TTC27: variants seen among roughly 807,000 people sequenced by gnomAD.
TTC27 encodes the protein tetratricopeptide repeat protein 27.
Under a neutral mutation model 115.9 loss-of-function variants are expected in TTC27, and 79 were observed. The ratio of observed to expected loss-of-function variants is 0.68; its 90% CI spans 0.57 to 0.82. The LOEUF is 0.82. TTC27 is among the 40% of genes least tolerant of loss of function. The pLI is 0.00. For synonymous variants in TTC27, 401 were observed against 356.0 expected (o/e 1.13, Z -1.42); for missense variants, 1,054 against 993.1 (o/e 1.06, Z -0.82).
chr2:32,683,136 T>G (rs529583499), intron 9 of TTC27, among the ~76,000 whole-genome samples: 1 of 152,130 alleles, frequency 6.6e-6, no homozygotes, highest in Non-Finnish European at 1.5e-5. Context: ...ATTACAGGCA[T>G]GAGCCACTGC....
At chr2:32,661,148 A>G (rs1665533185) in intron 5 of TTC27, among the ~76,000 whole-genome samples, 1 of 152,184 alleles carries the variant, frequency 6.6e-6, no homozygotes, top group African/African-American at 2.4e-5. Context: ...TGATACCAGT[A>G]CAATGCTGTT....
rs188494532 is a variant in TTC27 at position 32,663,934 on chromosome 2, C to T, written c.641-369C>T. On this transcript the variant is annotated intron_variant, in intron 5 of 19. Transcript: ENST00000317907. ...TCCTGACCTTGTGATCCGCCCACCT[C>T]GGCCTCGCAAGGTACAGGGATTACA... is the stretch of plus-strand genomic sequence containing the variant. 4.1e-3 allele frequency among the ~76,000 whole-genome samples: 627 copies of T among 152,058 alleles called. 7 individuals are homozygous for T. Among genetic ancestry groups the T allele is most frequent in the Middle Eastern group, 0.028 (8 of 290 alleles).
At chr2:32,732,875 A>C (rs1299491326) in intron 10 of TTC27, among the ~76,000 whole-genome samples, 1 of 152,244 alleles carries the variant, frequency 6.6e-6, no homozygotes, top group African/African-American at 2.4e-5. Context: ...CAAAAAAAGA[A>C]AATTTGAGTA....
At chr2:32,749,860 A>G (rs1212625578) in intron 12 of TTC27, among the ~76,000 whole-genome samples, 1 of 152,166 alleles carries the variant, frequency 6.6e-6, no homozygotes, top group East Asian at 1.9e-4. Context: ...AAGCTAACCT[A>G]TATGTTACTA....
intron 12 of TTC27, among the ~76,000 whole-genome samples, chr2:32,754,935 C>T (rs1222698458): frequency 6.6e-6 from 1 of 151,806 alleles, no homozygotes; most frequent in African/African-American, 2.4e-5. Flanking sequence ...CTCCTCACTT[C>T]CCAGACGGGG....
chr2:32,820,809 A>G lies in TTC27; in HGVS notation c.2410-7A>G, dbSNP rs1671675312. On this transcript the variant is annotated splice_region_variant and splice_polypyrimidine_tract_variant and intron_variant, in intron 19 of 19. Coordinates refer to ENST00000317907, the MANE Select transcript of TTC27 (RefSeq NM_017735.5). ...TTAATACTTCTGCTTTGTTTTTTAT[A>G]TTACAGCAACTTTTTACAGATGTGG... 1.3e-6 allele frequency: 2 copies of G among 1,528,786 alleles called. No homozygotes were observed. Among genetic ancestry groups the G allele is most frequent in the Non-Finnish European group, 1.8e-6 (2 of 1,133,744 alleles). The allele number at this position is 1,528,786 out of a possible 1,614,324, so 94.7% of individuals were successfully genotyped here.
chr2:32,702,131 C>T (rs1667208746), intron 9 of TTC27, among the ~76,000 whole-genome samples: 1 of 152,034 alleles, frequency 6.6e-6, no homozygotes, highest in South Asian at 2.1e-4. Context: ...TAATGAGTAG[C>T]TAGATTTTCA....
chr2:32,723,971 C>CTTTTTTTTTTTTGTTTTTTTTTTTTT (rs1668026530), intron 10 of TTC27, among the ~76,000 whole-genome samples: 1 of 92,436 alleles, frequency 1.1e-5, no homozygotes, highest in Non-Finnish European at 2.2e-5. Flanking sequence ...CATACATAAG[C>CTTTTTTTTTTTTGTTTTTTTTTTTTT]TTTTTTTTTT....
At position 32,777,434 on chromosome 2, in the gene TTC27, T is replaced by C. The variant is rs551587684; in HGVS notation, c.1681-448T>C. ...ATCCTCCTATATACTTTCAATCATC[T>C]CTTGATTACTTGTGGTACCTAACAC... is the stretch of plus-strand genomic sequence containing the variant. On this transcript the variant is annotated intron_variant, in intron 13 of 19. Coordinates refer to ENST00000317907, the MANE Select transcript of TTC27 (RefSeq NM_017735.5). 2.6e-5 allele frequency among the ~76,000 whole-genome samples: 4 copies of C among 152,352 alleles called. No homozygotes were observed. The South Asian group carries it at 8.3e-4, about 32-fold the overall frequency.
chr2:32,633,475 T>C (rs1664291374), intron 2 of TTC27, among the ~76,000 whole-genome samples: 1 of 152,114 alleles, frequency 6.6e-6, no homozygotes, highest in Non-Finnish European at 1.5e-5. Flanking sequence ...TACAGTGCTA[T>C]GATCAAAGCT....
chr2:32,777,846 G>T (rs1271546730), intron 13 of TTC27, 36 bp from the exon 14 acceptor site: 6 of 1,594,252 alleles, frequency 3.8e-6, no homozygotes, highest in Non-Finnish European at 4.3e-6. Context: ...AAATGTTTCT[G>T]TGTGTTTGAA....
chr2:32,718,178 C>G (rs1667813176), intron 10 of TTC27, among the ~76,000 whole-genome samples: 1 of 151,870 alleles, frequency 6.6e-6, no homozygotes, highest in African/African-American at 2.4e-5. Context: ...ATACTTTTTT[C>G]TTCATTCTTT....
intron 4 of TTC27, among the ~76,000 whole-genome samples, chr2:32,645,883 A>G (rs1176353511): frequency 6.7e-6 from 1 of 150,274 alleles, no homozygotes; most frequent in Admixed American, 6.7e-5. Flanking sequence ...GGCCCGGCTA[A>G]TTTTTTTTGT....
chr2:32,647,933 T>C (rs949295762), intron 4 of TTC27, among the ~76,000 whole-genome samples: 1 of 152,234 alleles, frequency 6.6e-6, no homozygotes, highest in African/African-American at 2.4e-5. Flanking sequence ...TGTAATATAA[T>C]GTAAAGTAAT....
At chr2:32,814,353 G>C (rs1558357759) in intron 18 of TTC27, among the ~76,000 whole-genome samples, 1 of 152,174 alleles carries the variant, frequency 6.6e-6, no homozygotes, top group Non-Finnish European at 1.5e-5. Flanking sequence ...GTTCTCCTCT[G>C]ACATCATTGA....
intron 5 of TTC27, among the ~76,000 whole-genome samples, chr2:32,655,685 G>C (rs563264110): frequency 4.0e-4 from 61 of 151,480 alleles, no homozygotes; most frequent in African/African-American, 1.2e-3. Context: ...AGATTACTTT[G>C]AGAAGGAGCT....
intron 16 of TTC27, among the ~76,000 whole-genome samples, chr2:32,803,236 T>C (rs1003125506): frequency 6.6e-6 from 1 of 152,148 alleles, no homozygotes; most frequent in Non-Finnish European, 1.5e-5. Flanking sequence ...CCTCAGTGAG[T>C]GGAGGGCAAA....
intron 13 of TTC27, among the ~76,000 whole-genome samples, chr2:32,763,149 G>A (rs1428707770): frequency 1.3e-5 from 2 of 152,164 alleles, no homozygotes; most frequent in Non-Finnish European, 2.9e-5. Context: ...AAATATTTTG[G>A]AGCTTCTCAT....
chr2:32,657,956 A>G (rs1277681048), intron 5 of TTC27, among the ~76,000 whole-genome samples: 1 of 152,176 alleles, frequency 6.6e-6, no homozygotes, highest in Non-Finnish European at 1.5e-5. Flanking sequence ...CAGCCTCCCA[A>G]GAAGCTGGCA....
Sources: allele counts gnomAD v4.1 joint callset (sites outside exome capture counted in the v4.1 genomes callset), GRCh38; gene constraint gnomAD v4.1.1; transcripts MANE v1.5; gene names NCBI Gene and HGNC (gene_info 2026-07-23, HGNC 2026-07-21).